The following GRID2 variants were observed in gnomAD, a reference collection of about 807,000 sequenced individuals.
The protein encoded by GRID2 is glutamate ionotropic receptor delta type subunit 2.
GRID2 carries 33 observed loss-of-function variants against 114.8 expected under a neutral mutation model. That is an observed-to-expected ratio of 0.29 (90% CI 0.22 to 0.38). The LOEUF is 0.38. Among genes scored for constraint, GRID2 ranks in the 10% least tolerant of loss-of-function variants. GRID2 has a pLI of 1.00. For missense variants in GRID2, 1,184 were observed against 1,257.7 expected (o/e 0.94, Z 0.89); for synonymous variants, 505 against 449.9 (o/e 1.12, Z -1.55).
At chr4:93,319,322 C>T (rs553407357) in intron 8 of GRID2, among the ~76,000 whole-genome samples, 16 of 152,192 alleles carry the variant, frequency 1.1e-4, no homozygotes, top group Non-Finnish European at 2.2e-4. Flanking sequence ...AGAGACTACT[C>T]TTACGTTTTA....
chr4:93,006,200 A>G (rs1330121962), intron 2 of GRID2, among the ~76,000 whole-genome samples: 2 of 152,108 alleles, frequency 1.3e-5, no homozygotes, highest in African/African-American at 4.8e-5. Flanking sequence ...AATACATTCA[A>G]TACAACAAAT....
rs116636784 is a variant in GRID2 at position 93,447,885 on chromosome 4, T to C, written c.1546-7777T>C. On this transcript the variant is annotated intron_variant, in intron 10 of 15. Coordinates refer to ENST00000282020, the MANE Select transcript of GRID2 (RefSeq NM_001510.4). ...AATAAAAATACTTATTAAGTGATAA[T>C]TGAATTCTTTTACAAAATTCTTTTG... Among the ~76,000 whole-genome samples the C allele has an allele frequency of 7.3e-3, 1,108 of 152,076 alleles. 6 individuals are homozygous for C. Among genetic ancestry groups the C allele is most frequent in the South Asian group, 0.015 (71 of 4,832 alleles).
At chr4:92,907,203 A>G (rs1289354793) in intron 2 of GRID2, among the ~76,000 whole-genome samples, 1 of 152,192 alleles carries the variant, frequency 6.6e-6, no homozygotes, top group Non-Finnish European at 1.5e-5. Context: ...AAAAAAATTA[A>G]GACAAGTACA....
At chr4:93,169,997 A>T (rs1361470730) in intron 4 of GRID2, among the ~76,000 whole-genome samples, 1 of 152,238 alleles carries the variant, frequency 6.6e-6, no homozygotes, top group Admixed American at 6.5e-5. Flanking sequence ...GAAAACAATG[A>T]ATGTTATTAT....
chr4:92,822,344 T>G, intron 2 of GRID2: 1 of 628,344 alleles, frequency 1.6e-6, no homozygotes, highest in Non-Finnish European at 3.0e-6. Context: ...AGTCACAGTG[T>G]TCAGATGGAC....
chr4:92,368,781 G>A (rs1728986888), intron 1 of GRID2, among the ~76,000 whole-genome samples: 1 of 151,944 alleles, frequency 6.6e-6, no homozygotes, highest in Non-Finnish European at 1.5e-5. Flanking sequence ...ATTGAAGGGT[G>A]TTTAATATGA....
At chr4:92,427,837 C>T (rs896648312) in intron 1 of GRID2, among the ~76,000 whole-genome samples, 5 of 152,106 alleles carry the variant, frequency 3.3e-5, no homozygotes, top group African/African-American at 1.2e-4. Flanking sequence ...GTGTTTTCTA[C>T]TCTAATTGAA....
intron 2 of GRID2, among the ~76,000 whole-genome samples, chr4:92,680,079 T>C (rs1733575060): frequency 6.6e-6 from 1 of 151,846 alleles, no homozygotes; most frequent in Admixed American, 6.6e-5. Flanking sequence ...TGATAAGAGG[T>C]CAGGAAGAAC....
chr4:92,955,665 G>T (rs1198978404), intron 2 of GRID2, among the ~76,000 whole-genome samples: 1 of 151,992 alleles, frequency 6.6e-6, no homozygotes, highest in Non-Finnish European at 1.5e-5. Flanking sequence ...CATTGCTTTT[G>T]GTGTTTTAGA....
intron 13 of GRID2, among the ~76,000 whole-genome samples, chr4:93,563,963 A>G (rs1170817194): frequency 6.6e-6 from 1 of 152,030 alleles, no homozygotes; most frequent in Non-Finnish European, 1.5e-5. Flanking sequence ...AAAAAAATAA[A>G]TGAGAAGAAA....
chr4:92,764,556 C>A (rs946257303), intron 2 of GRID2, among the ~76,000 whole-genome samples: 5 of 152,056 alleles, frequency 3.3e-5, no homozygotes, highest in African/African-American at 1.2e-4. Context: ...TCACAGGAGC[C>A]CTCTCAAATC....
Position 93,456,205 on chromosome 4 carries a change from CA to C in GRID2, c.1858+234del, listed in dbSNP as rs1303809676. On this transcript the variant is annotated intron_variant, in intron 11 of 15. Coordinates refer to ENST00000282020, the MANE Select transcript of GRID2 (RefSeq NM_001510.4). ...TTTGATGTAAGTTTAATTTCATCAA[CA>C]AAGGCAAATGTGAATGTCAAAGGTA... 2.6e-5 allele frequency among the ~76,000 whole-genome samples: 4 copies of C among 152,166 alleles called. No homozygotes were observed. In the South Asian group the frequency reaches 8.3e-4, roughly 32 times the overall value.
intron 1 of GRID2, among the ~76,000 whole-genome samples, chr4:92,501,336 G>A (rs563231377): frequency 6.6e-6 from 1 of 152,196 alleles, no homozygotes; most frequent in African/African-American, 2.4e-5. Context: ...TTCCACATTC[G>A]TTGAACACTT....
intron 3 of GRID2, among the ~76,000 whole-genome samples, chr4:93,106,684 C>T (rs1178098576): frequency 6.6e-6 from 1 of 152,202 alleles, no homozygotes; most frequent in East Asian, 1.9e-4. Flanking sequence ...TCTGAATCTT[C>T]TCTCATTGAA....
intron 1 of GRID2, among the ~76,000 whole-genome samples, chr4:93,791,540 T>C (rs1183657528): frequency 6.6e-6 from 1 of 152,166 alleles, no homozygotes; most frequent in East Asian, 1.9e-4. Flanking sequence ...AAAGACTAAC[T>C]TTAAGGAGAT....
intron 2 of GRID2, among the ~76,000 whole-genome samples, chr4:92,613,563 C>A (rs530823723): frequency 2.0e-5 from 3 of 151,548 alleles, no homozygotes; most frequent in African/African-American, 7.2e-5. Context: ...TAAGATTTTG[C>A]ATTATTCAAT....
chr4:92,310,510 T>C (rs2110108729), intron 1 of GRID2, among the ~76,000 whole-genome samples: 1 of 152,104 alleles, frequency 6.6e-6, no homozygotes, highest in East Asian at 1.9e-4. Context: ...AGAACATCTA[T>C]GGATTCATGT....
intron 14 of GRID2, among the ~76,000 whole-genome samples, chr4:93,749,924 G>A (rs910477107): frequency 6.6e-6 from 1 of 152,122 alleles, no homozygotes; most frequent in Admixed American, 6.5e-5. Flanking sequence ...GGGTGATTTC[G>A]AGAATTATAT....
At chr4:93,718,564 T>C (rs1311641496) in intron 14 of GRID2, among the ~76,000 whole-genome samples, 3 of 152,180 alleles carry the variant, frequency 2.0e-5, no homozygotes, top group African/African-American at 7.2e-5. Context: ...TGTTTGATGA[T>C]TCATCCAAAG....
Sources: gnomAD v4.1 joint callset for allele counts (sites outside exome capture counted in the v4.1 genomes callset) on GRCh38, gnomAD v4.1.1 for gene constraint, MANE v1.5 for transcripts, NCBI Gene and HGNC (gene_info 2026-07-23, HGNC 2026-07-21) for gene names.